The following ZBTB20 variants were observed in gnomAD, a reference collection of about 807,000 sequenced individuals.
The protein encoded by ZBTB20 is zinc finger and BTB domain-containing protein 20.
A neutral mutation model predicts 56.9 loss-of-function variants in ZBTB20; 9 were observed. The ratio of observed to expected loss-of-function variants is 0.16; its 90% CI spans 0.10 to 0.28. ZBTB20 has a LOEUF of 0.28. ZBTB20 is among the 10% of genes least tolerant of loss of function. The pLI is 1.00. For synonymous variants in ZBTB20, 417 were observed against 420.7 expected (o/e 0.99, Z 0.11); for missense variants, 655 against 1,003.0 (o/e 0.65, Z 4.69).
intron 4 of ZBTB20, among the ~76,000 whole-genome samples, chr3:114,840,574 T>C (rs948346094): frequency 5.9e-5 from 9 of 152,194 alleles, no homozygotes; most frequent in Admixed American, 2.6e-4. Flanking sequence ...GTAGAAAATG[T>C]TTGCGTCTAG....
chr3:114,492,068 C>T (rs1309060001), intron 7 of ZBTB20, among the ~76,000 whole-genome samples: 1 of 152,162 alleles, frequency 6.6e-6, no homozygotes, highest in Non-Finnish European at 1.5e-5. Context: ...TTCCTGCCAC[C>T]TTCTTGGTGG....
intron 7 of ZBTB20, among the ~76,000 whole-genome samples, chr3:114,498,735 A>G (rs2043583540): frequency 6.6e-6 from 1 of 152,230 alleles, no homozygotes; most frequent in Non-Finnish European, 1.5e-5. Context: ...AAGCTATGCA[A>G]CTGATGGCTG....
intron 7 of ZBTB20, among the ~76,000 whole-genome samples, chr3:114,443,812 T>TA (rs2091086715): frequency 6.6e-6 from 1 of 152,198 alleles, no homozygotes. Context: ...ATGGAATTCT[T>TA]ATAGTATCCT....
intron 4 of ZBTB20, among the ~76,000 whole-genome samples, chr3:114,883,800 T>C (rs1002520532): frequency 6.6e-6 from 1 of 152,056 alleles, no homozygotes; most frequent in African/African-American, 2.4e-5. Flanking sequence ...ACTGTGGTAT[T>C]TCTAAGAAAG....
At chr3:114,703,328 A>G (rs916865819) in intron 5 of ZBTB20, among the ~76,000 whole-genome samples, 4 of 152,132 alleles carry the variant, frequency 2.6e-5, no homozygotes, top group Non-Finnish European at 5.9e-5. Flanking sequence ...AGAAAAAGCA[A>G]TTGCAACAAC....
At chr3:115,120,367 T>G (rs766327290) in intron 1 of ZBTB20, among the ~76,000 whole-genome samples, 3 of 152,084 alleles carry the variant, frequency 2.0e-5, no homozygotes, top group Non-Finnish European at 2.9e-5. Context: ...ATTAAAAAAT[T>G]TATCATGTAG....
chr3:114,447,871 A>G (rs2091363570), intron 7 of ZBTB20, among the ~76,000 whole-genome samples: 1 of 152,152 alleles, frequency 6.6e-6, no homozygotes. Context: ...GCCATTTGGG[A>G]TATTTCTCGG....
chr3:114,628,530 A>G (rs1448927539), intron 6 of ZBTB20, among the ~76,000 whole-genome samples: 1 of 152,118 alleles, frequency 6.6e-6, no homozygotes, highest in Non-Finnish European at 1.5e-5. Flanking sequence ...ACAGACACTT[A>G]GGACTACAAA....
intron 6 of ZBTB20, among the ~76,000 whole-genome samples, chr3:114,633,008 A>C (rs528901955): frequency 4.6e-5 from 7 of 152,362 alleles, no homozygotes; most frequent in Admixed American, 1.3e-4. Context: ...TATGAGACCA[A>C]ACATGAATAT....
At position 114,769,552 on chromosome 3, in the gene ZBTB20, CATATATAT is replaced by C. The variant is rs6148023; in HGVS notation, c.-343+31541_-343+31548del. On this transcript the variant is annotated intron_variant, in intron 5 of 11. Transcript: ENST00000675478. ...CTTTGTTTTACTGTGTGCCAAAATG[CATATATAT>C]ATATATATATATATATATATATATA... Among the ~76,000 whole-genome samples the C allele has an allele frequency of 5.3e-3, 624 of 116,658 alleles. 2 individuals carry two copies. The highest frequency in any genetic ancestry group is 0.012 in the African/African-American group (268 of 22,228). 76.5% of individuals were successfully genotyped at this position (116,658 alleles called of 152,430 possible).
chr3:114,339,658 C>T lies in ZBTB20; in HGVS notation c.1805-232G>A, dbSNP rs1263710097. Among the ~76,000 whole-genome samples, 5 of 152,100 alleles carry T rather than the reference C, an allele frequency of 3.3e-5. No homozygotes were observed. The highest frequency in any genetic ancestry group is 7.2e-5 in the African/African-American group (3 of 41,402). On this transcript the variant is annotated intron_variant, in intron 11 of 11. Coordinates refer to ENST00000675478, the MANE Select transcript of ZBTB20 (RefSeq NM_001348800.3). The surrounding 1 kb of genome is among the most constrained non-coding windows in gnomAD (Gnocchi z 4.2). ...CCAGGACAGTTTTGTTTTCCATTTC[C>T]CTGTGCCATAAAACGGCTTTCTTGG...
chr3:114,905,682 C>T (rs889788096), intron 3 of ZBTB20, among the ~76,000 whole-genome samples: 1 of 151,908 alleles, frequency 6.6e-6, no homozygotes, highest in Admixed American at 6.6e-5. Context: ...CTTTAAAGGA[C>T]TAATCTTCCA....
intron 2 of ZBTB20, among the ~76,000 whole-genome samples, chr3:114,985,191 A>T (rs1212148866): frequency 1.3e-5 from 2 of 152,096 alleles, no homozygotes; most frequent in Non-Finnish European, 2.9e-5. Context: ...TCTCTGCCAA[A>T]TCACTTGCCC....
Position 114,322,612 on chromosome 3 carries a change from T to C in ZBTB20, c.*16393A>G, listed in dbSNP as rs2078933753. ...TTTTAAAAAGTCAATCATTTCTTTC[T>C]ATAGCTTTGGTTTGGTGCAGTCAAT... On this transcript the variant is annotated 3_prime_UTR_variant, in exon 12 of 12. Coordinates refer to ENST00000675478, the MANE Select transcript of ZBTB20 (RefSeq NM_001348800.3). 1 of 152,244 alleles carries C rather than the reference T, an allele frequency of 6.6e-6. No homozygotes were observed. Among genetic ancestry groups the C allele is most frequent in the Admixed American group, 6.5e-5 (1 of 15,280 alleles). The allele number at this position is 152,244 out of a possible 1,614,324, so 9.4% of individuals were successfully genotyped here.
chr3:114,737,400 C>G (rs192825998), intron 5 of ZBTB20, among the ~76,000 whole-genome samples: 6 of 151,964 alleles, frequency 3.9e-5, no homozygotes, highest in African/African-American at 1.2e-4. Flanking sequence ...GGGATTGAGA[C>G]GGTAAAGTAA....
chr3:114,624,022 G>T (rs576230373), intron 6 of ZBTB20: 1 of 152,126 alleles, frequency 6.6e-6, no homozygotes, highest in East Asian at 1.9e-4. Flanking sequence ...TTTTTTGTTT[G>T]TTTGTTTTAA....
chr3:114,647,198 T>C (rs1578145364), intron 6 of ZBTB20, among the ~76,000 whole-genome samples: 1 of 152,100 alleles, frequency 6.6e-6, no homozygotes, highest in Non-Finnish European at 1.5e-5. Context: ...GACCTTGTAA[T>C]CCACCCGCCT....
chr3:114,532,116 C>T (rs1245803414), intron 6 of ZBTB20, among the ~76,000 whole-genome samples: 1 of 152,180 alleles, frequency 6.6e-6, no homozygotes, highest in African/African-American at 2.4e-5. Flanking sequence ...CCCAGTGGCA[C>T]CTGCAATGCC....
chr3:114,831,858 C>G (rs890327716), intron 4 of ZBTB20, among the ~76,000 whole-genome samples: 3 of 151,978 alleles, frequency 2.0e-5, no homozygotes, highest in Non-Finnish European at 4.4e-5. Context: ...GGGACTGTAC[C>G]TCTGCCTCTA....
Sources: gnomAD v4.1 joint callset for allele counts (sites outside exome capture counted in the v4.1 genomes callset) on GRCh38, gnomAD v4.1.1 for gene constraint, Gnocchi (gnomAD v3.1) non-coding constraint, MANE v1.5 for transcripts, NCBI Gene and HGNC (gene_info 2026-07-23, HGNC 2026-07-21) for gene names.